MAP4: variants seen among roughly 807,000 people sequenced by gnomAD.
The protein encoded by MAP4 is microtubule associated protein 4.
In MAP4, 76 loss-of-function variants were observed where a neutral mutation model predicts 170.2. The observed-to-expected ratio is 0.45, with a 90% CI of 0.37 to 0.54. The LOEUF (loss-of-function observed/expected upper bound fraction) is 0.54, where lower values mean the gene tolerates loss of function less well. MAP4 is among the 20% of genes least tolerant of loss of function. The probability of loss-of-function intolerance (pLI) is 0.00; values close to 1 mark genes in which losing one functional copy is unlikely to be tolerated. For synonymous variants in MAP4, 909 were observed against 994.5 expected, an observed-to-expected ratio of 0.91 and a Z score of 1.62; for missense variants, 2,506 against 2,748.0, an observed-to-expected ratio of 0.91 and a Z score of 1.97.
rs1399301363 is a variant in MAP4, at chr3:47,855,086, G to A, written c.6696+162C>T. Reference sequence around the variant, plus strand: ...GCCTCTTCACTTCTGCCTCAGTCAGGACTGATGATACACGGTGGGAAAACG... The same window carrying A: ...GCCTCTTCACTTCTGCCTCAGTCAGAACTGATGATACACGGTGGGAAAACG... On this transcript the variant is annotated intron_variant, in intron 19 of 20. Coordinates refer to ENST00000683076, the MANE Select transcript of MAP4 (RefSeq NM_001385682.1). The surrounding 1 kb of genome is among the most constrained non-coding windows in gnomAD (Gnocchi z 5.1). 10 of 610,100 alleles carry A rather than the reference G, an allele frequency of 1.6e-5. No individual in the cohort carries two copies. Among genetic ancestry groups the A allele is most frequent in the Non-Finnish European group, 2.1e-5 (7 of 335,704 alleles). 37.8% of individuals were successfully genotyped at this position (610,100 alleles called of 1,614,324 possible). A position where few individuals can be genotyped will look rare whatever the true frequency, so the allele number is the denominator to read the frequency against.
rs191214037 is a variant in MAP4, at chr3:47,972,873, G to A, written c.292+4992C>T. ...TGCACTCCAGCCTGGGCGACAGAGCGAGACTCCGTCTCAAAAAAAAAAAAG... is the reference window on the plus strand; with the variant it reads ...TGCACTCCAGCCTGGGCGACAGAGCAAGACTCCGTCTCAAAAAAAAAAAAG... On this transcript the variant is annotated intron_variant, in intron 3 of 20. Transcript: ENST00000683076. Among the ~76,000 whole-genome samples, 620 of 150,502 alleles carry A rather than the reference G, an allele frequency of 4.1e-3. 6 individuals are homozygous for A. The highest frequency in any genetic ancestry group is 0.014 in the African/African-American group (593 of 40,988).
At chr3:48,082,132 T>C (rs1284095741) in intron 1 of MAP4, among the ~76,000 whole-genome samples, 2 of 152,160 alleles carry the variant, frequency 1.3e-5, no homozygotes, top group African/African-American at 4.8e-5. Flanking sequence ...GGGGGAGGCA[T>C]AAATCTTCCT....
At chr3:48,070,288 CA>C (rs1203838455) in intron 1 of MAP4, among the ~76,000 whole-genome samples, 1 of 151,872 alleles carries the variant, frequency 6.6e-6, no homozygotes, top group Non-Finnish European at 1.5e-5. Flanking sequence ...CTCAGCCTCC[CA>C]AAGTGCTGGG....
intron 1 of MAP4, among the ~76,000 whole-genome samples, chr3:48,056,212 TG>T (rs1161285484): frequency 1.4e-5 from 1 of 72,788 alleles, no homozygotes; most frequent in Non-Finnish European, 2.9e-5. Flanking sequence ...GGGAGGGAGG[TG>T]GGGGGGTCAG....
intron 3 of MAP4, chr3:47,975,408 G>A: frequency 1.3e-6 from 2 of 1,559,920 alleles, no homozygotes; most frequent in Non-Finnish European, 1.7e-6. Context: ...ACGATGCTTA[G>A]GAAAGATCAC....
intron 1 of MAP4, among the ~76,000 whole-genome samples, chr3:48,044,898 G>A (rs569714481): frequency 2.2e-4 from 34 of 151,456 alleles, no homozygotes; most frequent in African/African-American, 7.0e-4. Flanking sequence ...GCAGTGAGCC[G>A]AGATCACACT....
intron 3 of MAP4, among the ~76,000 whole-genome samples, chr3:47,945,086 C>T (rs2100058931): frequency 1.3e-5 from 2 of 151,528 alleles, no homozygotes. Context: ...GGCGCGGTGG[C>T]TCACACCTGT....
At chr3:48,040,461 G>T (rs1353924430) in intron 1 of MAP4, among the ~76,000 whole-genome samples, 3 of 152,000 alleles carry the variant, frequency 2.0e-5, no homozygotes, top group Non-Finnish European at 4.4e-5. Context: ...AGTAGAGATG[G>T]GGTTTCACCA....
chr3:48,042,166 G>C (rs759589622), intron 1 of MAP4, among the ~76,000 whole-genome samples: 21 of 152,218 alleles, frequency 1.4e-4, no homozygotes, highest in Non-Finnish European at 2.5e-4. Flanking sequence ...AAATAAGCGG[G>C]AGCTTACAAC....
chr3:47,863,937 T>TGTGGG (rs374208589), intron 17 of MAP4, among the ~76,000 whole-genome samples: 3 of 138,472 alleles, frequency 2.2e-5, no homozygotes, highest in East Asian at 2.1e-4. Context: ...TGTGTGTGTG[T>TGTGGG]GGGGAGTGGT....
chr3:48,084,201 T>C (rs2100147949), intron 1 of MAP4, among the ~76,000 whole-genome samples: 1 of 140,494 alleles, frequency 7.1e-6, no homozygotes, highest in Non-Finnish European at 1.5e-5. Context: ...ACAGCGAGAC[T>C]CAGTCTCAAA....
At position 47,852,743 on chromosome 3, in the gene MAP4, A is replaced by G; in HGVS notation, c.*191T>C. The G allele has an allele frequency of 6.5e-7, 1 of 1,534,462 alleles. No individual in the cohort carries two copies. Among genetic ancestry groups the G allele is most frequent in the Non-Finnish European group, 8.8e-7 (1 of 1,142,444 alleles). On this transcript the variant is annotated 3_prime_UTR_variant, in exon 21 of 21. Transcript: ENST00000683076. ...GCCCCGGGCACGCAAAGCAGGAGGG[A>G]AGGCGAGCCTAGCGGGCTGCCCAGC... is the stretch of plus-strand genomic sequence containing the variant.
intron 1 of MAP4, among the ~76,000 whole-genome samples, chr3:48,033,422 T>C (rs1169117931): frequency 6.6e-6 from 1 of 152,176 alleles, no homozygotes; most frequent in African/African-American, 2.4e-5. Flanking sequence ...GAAGCCCTGG[T>C]TAAAGCTTCT....
rs1047347379 is a variant in MAP4 at position 47,926,726 on chromosome 3, G to T, written c.415+1502C>A. Among the ~76,000 whole-genome samples the T allele has an allele frequency of 5.3e-5, 8 of 152,074 alleles. No homozygotes were observed. The East Asian group carries it at 1.6e-3, about 30-fold the overall frequency. ...ACTTTTAAAATGTTTTGTAGAGACA[G>T]AATCCCATTATGTTGTTCAGGCTGG... is the stretch of plus-strand genomic sequence containing the variant. On this transcript the variant is annotated intron_variant, in intron 4 of 20. Transcript: ENST00000683076.
chr3:47,900,263 G>A (rs928457296), intron 10 of MAP4, among the ~76,000 whole-genome samples: 1 of 152,002 alleles, frequency 6.6e-6, no homozygotes, highest in Non-Finnish European at 1.5e-5. Flanking sequence ...ATACATAAAG[G>A]TAAAACTATT....
intron 1 of MAP4, among the ~76,000 whole-genome samples, chr3:48,075,701 C>T (rs2100143480): frequency 6.6e-6 from 1 of 151,976 alleles, no homozygotes; most frequent in South Asian, 2.1e-4. Flanking sequence ...GGGCCGGGCG[C>T]AGTGGTTCAC....
intron 3 of MAP4, chr3:47,974,178 C>A (rs1165475733): frequency 1.1e-6 from 1 of 952,208 alleles, no homozygotes; most frequent in Non-Finnish European, 1.3e-6. Flanking sequence ...GTAATCCCAG[C>A]ACTTTGGGTG....
chr3:47,958,889 G>C (rs1338668209), intron 3 of MAP4, among the ~76,000 whole-genome samples: 3 of 151,880 alleles, frequency 2.0e-5, no homozygotes, highest in African/African-American at 4.8e-5. Flanking sequence ...TCACCATGTT[G>C]GCCAGGATGG....
At chr3:48,010,836 T>C (rs1176611706) in intron 1 of MAP4, among the ~76,000 whole-genome samples, 2 of 152,184 alleles carry the variant, frequency 1.3e-5, no homozygotes, top group African/African-American at 2.4e-5. Context: ...AGCCTATATC[T>C]TTCTCCCGTG....
Sources: allele counts gnomAD v4.1 joint callset (sites outside exome capture counted in the v4.1 genomes callset), GRCh38; gene constraint gnomAD v4.1.1; non-coding constraint Gnocchi (gnomAD v3.1); transcripts MANE v1.5; gene names NCBI Gene and HGNC (gene_info 2026-07-23, HGNC 2026-07-21).